EBF2: variants seen among roughly 807,000 people sequenced by gnomAD.
EBF2 encodes the protein transcription factor COE2.
In EBF2, 21 loss-of-function variants were observed where a neutral mutation model predicts 72.8. The observed-to-expected ratio is 0.29, with a 90% CI of 0.20 to 0.42. The LOEUF (loss-of-function observed/expected upper bound fraction) is 0.42. Among genes scored for constraint, EBF2 ranks in the 10% least tolerant of loss-of-function variants. The probability of loss-of-function intolerance (pLI) is 1.00; values close to 1 mark genes in which losing one functional copy is unlikely to be tolerated. For missense variants in EBF2, 637 were observed against 731.2 expected (o/e 0.87, Z 1.49); for synonymous variants, 299 against 274.2 (o/e 1.09, Z -0.89).
chr8:26,006,427 G>T (rs888254578), intron 6 of EBF2, among the ~76,000 whole-genome samples: 3 of 152,108 alleles, frequency 2.0e-5, no homozygotes, highest in Admixed American at 2.0e-4. Context: ...GCCATCATTT[G>T]CTTAGTCATT....
chr8:25,962,832 T>C (rs1804056870), intron 6 of EBF2, among the ~76,000 whole-genome samples: 1 of 152,210 alleles, frequency 6.6e-6, no homozygotes, highest in South Asian at 2.1e-4. Context: ...ACAAGTTATG[T>C]CATTAGTCAG....
chr8:26,041,042 C>A (rs746447555), intron 2 of EBF2, 40 bp from the exon 3 acceptor site: 1 of 1,608,828 alleles, frequency 6.2e-7, no homozygotes, highest in South Asian at 1.1e-5. Context: ...TGCCTTTCAG[C>A]CCCCCAAAAT....
At chr8:25,846,041 C>G (rs190313578) in intron 15 of EBF2, among the ~76,000 whole-genome samples, 3 of 152,112 alleles carry the variant, frequency 2.0e-5, no homozygotes, top group Non-Finnish European at 2.9e-5. Flanking sequence ...GCCCATATAG[C>G]CTTTATTGAA....
At chr8:25,847,963 C>A (rs1801872507) in intron 15 of EBF2, among the ~76,000 whole-genome samples, 2 of 152,062 alleles carry the variant, frequency 1.3e-5, no homozygotes, top group Admixed American at 6.6e-5. Context: ...TCTCAAATCA[C>A]CACTAGAGAA....
chr8:25,894,340 G>A (rs1478698153), intron 7 of EBF2, among the ~76,000 whole-genome samples: 7 of 152,086 alleles, frequency 4.6e-5, no homozygotes, highest in Admixed American at 6.5e-5. Context: ...ACTGATATTC[G>A]TCTATTTGGA....
intron 7 of EBF2, among the ~76,000 whole-genome samples, chr8:25,892,681 G>A (rs541552201): frequency 6.6e-6 from 1 of 152,112 alleles, no homozygotes; most frequent in South Asian, 2.1e-4. Flanking sequence ...ATCTCATATA[G>A]TGTCACATCT....
chr8:25,854,862 G>C (rs1412583787), intron 14 of EBF2, among the ~76,000 whole-genome samples: 3 of 152,062 alleles, frequency 2.0e-5, no homozygotes, highest in Admixed American at 6.5e-5. Flanking sequence ...ATGGTCTAAG[G>C]CTCTGAACAT....
At chr8:25,986,069 T>A (rs1563200340) in intron 6 of EBF2, among the ~76,000 whole-genome samples, 1 of 146,976 alleles carries the variant, frequency 6.8e-6, no homozygotes, top group East Asian at 2.0e-4. Context: ...AATGATTACA[T>A]GTGACATAGA....
intron 6 of EBF2, among the ~76,000 whole-genome samples, chr8:26,025,465 A>G (rs1805288870): frequency 1.3e-5 from 2 of 152,116 alleles, no homozygotes; most frequent in Admixed American, 1.3e-4. Flanking sequence ...ATACACGACT[A>G]AGGATTTGAT....
At chr8:25,853,368 G>C (rs1051386884) in intron 14 of EBF2, among the ~76,000 whole-genome samples, 7 of 151,826 alleles carry the variant, frequency 4.6e-5, no homozygotes, top group Non-Finnish European at 1.0e-4. Context: ...AGAAAAATAA[G>C]CAAAGGACAC....
At chr8:25,947,739 G>T (rs148310208) in intron 6 of EBF2, among the ~76,000 whole-genome samples, 15 of 152,200 alleles carry the variant, frequency 9.9e-5, no homozygotes, top group African/African-American at 3.4e-4. Context: ...CTTCCCCCTG[G>T]GCTGCTGTTC....
At chr8:25,948,055 AG>A (rs2117165315) in intron 6 of EBF2, among the ~76,000 whole-genome samples, 1 of 152,308 alleles carries the variant, frequency 6.6e-6, no homozygotes, top group Admixed American at 6.5e-5. Context: ...TTCCTCCAAA[AG>A]GCTTAGGTGG....
chr8:25,898,832 T>G (rs1262672968), intron 7 of EBF2, among the ~76,000 whole-genome samples: 1 of 152,158 alleles, frequency 6.6e-6, no homozygotes, highest in Admixed American at 6.5e-5. Flanking sequence ...GCACTCTTAT[T>G]GCAGGACTAA....
intron 7 of EBF2, among the ~76,000 whole-genome samples, chr8:25,897,445 A>G (rs1273662798): frequency 2.6e-5 from 4 of 152,084 alleles, no homozygotes; most frequent in African/African-American, 9.7e-5. Flanking sequence ...AGTTTGAGAT[A>G]TGAATGATCC....
chr8:25,859,997 G>T, intron 13 of EBF2, among the ~76,000 whole-genome samples: 1 of 151,874 alleles, frequency 6.6e-6, no homozygotes, highest in Admixed American at 6.6e-5. Flanking sequence ...GATTACAAGC[G>T]TGAGCCACCA....
rs751678769 is a variant in EBF2, at chr8:25,887,846, C to T, written c.878G>A (p.Ser293Asn). The T allele has an allele frequency of 4.4e-6, 7 of 1,601,978 alleles. No individual in the cohort carries two copies. In the South Asian group the frequency reaches 6.8e-5, roughly 16 times the overall value. ...AAGCCTGTTGCCTCTGCTTACCTCG[C>T]TCCATACAAGCATAGTCCCAAACAC... ...QVVFGTMLVW[S>N]ELITPHAIRV... The change falls in exon 9 of 16, where the codon AGC (serine) becomes AAC (asparagine). Residue 293 changes from serine (S) to asparagine (N), a missense_variant. Transcript: ENST00000520164.
At chr8:25,972,887 T>TTTG (rs1554476909) in intron 6 of EBF2, among the ~76,000 whole-genome samples, 40 of 148,554 alleles carry the variant, frequency 2.7e-4, no homozygotes, top group Non-Finnish European at 5.1e-4. Flanking sequence ...TTTTTTTTTT[T>TTTG]GAAAATCACC....
At chr8:25,940,365 A>G (rs1157057141) in intron 6 of EBF2, among the ~76,000 whole-genome samples, 2 of 152,196 alleles carry the variant, frequency 1.3e-5, no homozygotes, top group Non-Finnish European at 2.9e-5. Context: ...TGACTTGCCT[A>G]TATCCCCATA....
chr8:25,902,397 G>A (rs899166048), intron 7 of EBF2, among the ~76,000 whole-genome samples: 3 of 152,054 alleles, frequency 2.0e-5, no homozygotes, highest in African/African-American at 4.8e-5. Flanking sequence ...GTGATTTTCC[G>A]CATGCATGAC....
Sources: gnomAD v4.1 joint callset for allele counts (sites outside exome capture counted in the v4.1 genomes callset) on GRCh38, gnomAD v4.1.1 for gene constraint, MANE v1.5 for transcripts, NCBI Gene and HGNC (gene_info 2026-07-23, HGNC 2026-07-21) for gene names.